TMEM108: variants seen among roughly 807,000 people sequenced by gnomAD.
The protein encoded by TMEM108 is transmembrane protein 108.
TMEM108 carries 12 observed loss-of-function variants against 35.1 expected under a neutral mutation model. The observed-to-expected ratio is 0.34, with a 90% CI of 0.22 to 0.55. The LOEUF (loss-of-function observed/expected upper bound fraction) is 0.55. Ranked by LOEUF, TMEM108 falls within the 20% of genes least tolerant of loss-of-function variation. The pLI, the probability that TMEM108 is intolerant of heterozygous loss-of-function variation, is 0.89. For missense variants in TMEM108, 680 were observed against 753.3 expected (o/e 0.90, Z 1.14); for synonymous variants, 287 against 308.6 (o/e 0.93, Z 0.73).
intron 3 of TMEM108, among the ~76,000 whole-genome samples, chr3:133,230,850 C>A (rs1946142401): frequency 6.6e-6 from 1 of 152,132 alleles, no homozygotes; most frequent in East Asian, 1.9e-4. Flanking sequence ...GAGGTCCATC[C>A]TCTTATATTG....
intron 2 of TMEM108, among the ~76,000 whole-genome samples, chr3:133,139,427 G>T (rs1489969684): frequency 6.6e-6 from 1 of 152,134 alleles, no homozygotes; most frequent in Non-Finnish European, 1.5e-5. Flanking sequence ...AGTGTTCAGA[G>T]GCCTTGTGTT....
chr3:133,135,418 T>C (rs1454573646), intron 2 of TMEM108, among the ~76,000 whole-genome samples: 2 of 152,188 alleles, frequency 1.3e-5, no homozygotes, highest in African/African-American at 2.4e-5. Context: ...CATTAAATTA[T>C]GGAAGGCTAT....
intron 2 of TMEM108, among the ~76,000 whole-genome samples, chr3:133,069,484 G>C (rs1205905487): frequency 6.6e-6 from 1 of 152,090 alleles, no homozygotes; most frequent in Non-Finnish European, 1.5e-5. Flanking sequence ...GCATCTGGGG[G>C]ACTTATTCAA....
At chr3:133,311,809 T>G (rs1461455446) in intron 3 of TMEM108, among the ~76,000 whole-genome samples, 3 of 152,238 alleles carry the variant, frequency 2.0e-5, no homozygotes, top group African/African-American at 7.2e-5. Flanking sequence ...TTTAGAATTT[T>G]CAGCTTTTCT....
At chr3:133,296,024 G>C (rs1405988779) in intron 3 of TMEM108, among the ~76,000 whole-genome samples, 1 of 152,136 alleles carries the variant, frequency 6.6e-6, no homozygotes, top group South Asian at 2.1e-4. Context: ...TGTCCAAATT[G>C]ACTATTTTCC....
intron 2 of TMEM108, among the ~76,000 whole-genome samples, chr3:133,111,551 A>G (rs1944224225): frequency 6.6e-6 from 1 of 152,132 alleles, no homozygotes; most frequent in South Asian, 2.1e-4. Flanking sequence ...AAGTCCTCAG[A>G]TGTGTGTGTA....
intron 3 of TMEM108, among the ~76,000 whole-genome samples, chr3:133,289,230 C>T (rs1000727553): frequency 1.5e-4 from 23 of 151,926 alleles, no homozygotes; most frequent in Non-Finnish European, 1.8e-4. Context: ...CTTTTATGTA[C>T]GTTTGAAATT....
intron 3 of TMEM108, among the ~76,000 whole-genome samples, chr3:133,231,026 C>A (rs1474549521): frequency 6.6e-6 from 1 of 152,128 alleles, no homozygotes. Flanking sequence ...CACTAAACCA[C>A]CCTGATTACT....
intron 2 of TMEM108, among the ~76,000 whole-genome samples, chr3:133,157,806 A>G (rs761383274): frequency 1.3e-5 from 2 of 152,154 alleles, no homozygotes; most frequent in Non-Finnish European, 2.9e-5. Flanking sequence ...ATTTACGTGT[A>G]TCCTGTTGAA....
chr3:133,127,385 C>T (rs551203016), intron 2 of TMEM108, among the ~76,000 whole-genome samples: 3 of 152,218 alleles, frequency 2.0e-5, no homozygotes, highest in Non-Finnish European at 4.4e-5. Flanking sequence ...TAGCCTTTTC[C>T]TTCACTTCCA....
chr3:133,277,966 G>A (rs1222569630), intron 3 of TMEM108, among the ~76,000 whole-genome samples: 1 of 152,142 alleles, frequency 6.6e-6, no homozygotes, highest in Admixed American at 6.5e-5. Context: ...CTATTCAGCT[G>A]GCAACTTCAA....
chr3:133,177,086 G>T (rs1385365545), intron 2 of TMEM108, among the ~76,000 whole-genome samples: 1 of 151,986 alleles, frequency 6.6e-6, no homozygotes, highest in Non-Finnish European at 1.5e-5. Context: ...TAAATTCCTC[G>T]ATACATACAC....
chr3:133,359,093 G>A (rs866205720), intron 3 of TMEM108, among the ~76,000 whole-genome samples: 2 of 152,130 alleles, frequency 1.3e-5, no homozygotes, highest in Admixed American at 6.5e-5. Context: ...TTTTGGTCAG[G>A]ACCATATCCA....
At chr3:133,091,117 A>G (rs1054618790) in intron 2 of TMEM108, among the ~76,000 whole-genome samples, 6 of 152,218 alleles carry the variant, frequency 3.9e-5, no homozygotes, top group Non-Finnish European at 8.8e-5. Flanking sequence ...ATCTATTTCA[A>G]TGTAGTCTAC....
At chr3:133,053,233 T>G (rs1943427901) in intron 2 of TMEM108, among the ~76,000 whole-genome samples, 1 of 152,188 alleles carries the variant, frequency 6.6e-6, no homozygotes, top group Non-Finnish European at 1.5e-5. Flanking sequence ...GCATTTTTAT[T>G]TTGATTCACT....
chr3:133,072,777 C>T (rs775286195), intron 2 of TMEM108, among the ~76,000 whole-genome samples: 1 of 152,074 alleles, frequency 6.6e-6, no homozygotes, highest in Non-Finnish European at 1.5e-5. Flanking sequence ...TTTGTCACCC[C>T]AAAAGAAACC....
chr3:133,159,682 C>T (rs552218342), intron 2 of TMEM108, among the ~76,000 whole-genome samples: 40 of 152,268 alleles, frequency 2.6e-4, no homozygotes, highest in African/African-American at 8.4e-4. Flanking sequence ...CTGCATTTTG[C>T]GGATGAGGGA....
intron 2 of TMEM108, among the ~76,000 whole-genome samples, chr3:133,220,354 G>A (rs1945972787): frequency 6.6e-6 from 1 of 151,686 alleles, no homozygotes; most frequent in South Asian, 2.1e-4. Flanking sequence ...ATAGCTTATT[G>A]TAGTCTCAAA....
At chr3:133,349,609 G>C (rs1429966158) in intron 3 of TMEM108, among the ~76,000 whole-genome samples, 1 of 151,342 alleles carries the variant, frequency 6.6e-6, no homozygotes, top group East Asian at 1.9e-4. Context: ...AAACTAACCT[G>C]ATTTTTAAAT....
Sources: allele counts gnomAD v4.1 joint callset (sites outside exome capture counted in the v4.1 genomes callset), GRCh38; gene constraint gnomAD v4.1.1; transcripts MANE v1.5; gene names NCBI Gene and HGNC (gene_info 2026-07-23, HGNC 2026-07-21).